Variants in FTO observed in about 807,000 individuals in gnomAD.
FTO encodes FTO alpha-ketoglutarate dependent dioxygenase.
FTO carries 47 observed loss-of-function variants against 63.9 expected under a neutral mutation model. That is an observed-to-expected ratio of 0.74 (90% CI 0.58 to 0.94). The LOEUF (loss-of-function observed/expected upper bound fraction) is 0.94. Ranked by LOEUF, FTO falls within the 40% of genes least tolerant of loss-of-function variation. FTO has a pLI of 0.00. For synonymous variants in FTO, 207 were observed against 224.4 expected (o/e 0.92, Z 0.69); for missense variants, 562 against 618.1 (o/e 0.91, Z 0.96).
intron 1 of FTO, among the ~76,000 whole-genome samples, chr16:53,737,361 G>A (rs1465324220): frequency 6.6e-6 from 1 of 152,082 alleles, no homozygotes. Context: ...ACGTCATAGA[G>A]TGCACTTACA....
intron 6 of FTO, among the ~76,000 whole-genome samples, chr16:53,883,645 A>AACC (rs1286271148): frequency 6.7e-6 from 1 of 150,322 alleles, no homozygotes; most frequent in Admixed American, 6.7e-5. Flanking sequence ...ACAAAAAAAA[A>AACC]AAAACAAATT....
intron 6 of FTO, among the ~76,000 whole-genome samples, chr16:53,888,419 A>G (rs2081059120): frequency 6.6e-6 from 1 of 152,112 alleles, no homozygotes; most frequent in Admixed American, 6.5e-5. Context: ...ATAAAAATAA[A>G]TTGGCCAATT....
intron 8 of FTO, chr16:54,040,801 A>G (rs1309980441): frequency 3.3e-5 from 5 of 152,324 alleles, no homozygotes; most frequent in East Asian, 1.9e-4. Flanking sequence ...GGCCATAGGA[A>G]GAAGTTTTGA....
chr16:54,054,185 A>T (rs1369269728), intron 8 of FTO, among the ~76,000 whole-genome samples: 1 of 152,194 alleles, frequency 6.6e-6, no homozygotes, highest in African/African-American at 2.4e-5. Flanking sequence ...GACAGCTGCT[A>T]CGAGTCCCAG....
intron 8 of FTO, among the ~76,000 whole-genome samples, chr16:53,941,169 G>A (rs367757216): frequency 3.9e-5 from 6 of 152,128 alleles, no homozygotes; most frequent in Middle Eastern, 3.2e-3. Context: ...AGTCGGCACC[G>A]TCCAGTTTAG....
chr16:54,101,739 TACTGCTTTCCACAATGGCTGG>T (rs2086647173), intron 8 of FTO, among the ~76,000 whole-genome samples: 1 of 152,276 alleles, frequency 6.6e-6, no homozygotes, highest in African/African-American at 2.4e-5. Context: ...GGAATTGCTA[TACTGCTTTCCACAATGGCTGG>T]ACTAAATGAC....
chr16:54,116,559 G>A lies in FTO; in HGVS notation c.*4644G>A, dbSNP rs2086976308. On this transcript the variant is annotated 3_prime_UTR_variant, in exon 9 of 9. Coordinates refer to ENST00000471389, the MANE Select transcript of FTO (RefSeq NM_001080432.3). Reference sequence around the variant, plus strand: ...TTTGACAACCATAAAGGGGAGAGACGGCACAGGCGTGTTGTGATGATTGCG... The same window carrying A: ...TTTGACAACCATAAAGGGGAGAGACAGCACAGGCGTGTTGTGATGATTGCG... 1 of 152,220 alleles carries A rather than the reference G, an allele frequency of 6.6e-6. No individual in the cohort carries two copies. The highest frequency in any genetic ancestry group is 2.4e-5 in the African/African-American group (1 of 41,514). 9.4% of individuals were successfully genotyped at this position (152,220 alleles called of 1,614,324 possible). A position where few individuals can be genotyped will look rare whatever the true frequency, so the allele number is the denominator to read the frequency against.
Position 53,725,999 on chromosome 16 carries a change from A to G in FTO, c.45+21770A>G, listed in dbSNP as rs78123343. On this transcript the variant is annotated intron_variant, in intron 1 of 8. Coordinates refer to ENST00000471389, the MANE Select transcript of FTO (RefSeq NM_001080432.3). ...GAGATAAGACATTTCTTTTTACTCA[A>G]TTAAGATAAAGAAGAAACCTCTTTA... 1.9e-4 allele frequency among the ~76,000 whole-genome samples: 29 copies of G among 152,288 alleles called. 1 individual carries two copies. The highest frequency in any genetic ancestry group is 3.4e-3 in the Middle Eastern group (1 of 294).
intron 1 of FTO, among the ~76,000 whole-genome samples, chr16:53,804,154 C>T (rs550606371): frequency 6.6e-6 from 1 of 152,248 alleles, no homozygotes; most frequent in Non-Finnish European, 1.5e-5. Context: ...AATCATGCAC[C>T]TAGACTGGTA....
At chr16:53,963,322 A>T (rs2083124581) in intron 8 of FTO, among the ~76,000 whole-genome samples, 1 of 152,036 alleles carries the variant, frequency 6.6e-6, no homozygotes, top group Admixed American at 6.6e-5. Flanking sequence ...TTTTCTGTAT[A>T]TTTGTGTTAT....
chr16:53,779,790 C>T (rs1276695907), intron 1 of FTO, among the ~76,000 whole-genome samples: 3 of 152,116 alleles, frequency 2.0e-5, no homozygotes, highest in African/African-American at 4.8e-5. Flanking sequence ...AGCTAGCTAG[C>T]GCTTGTAAAT....
Position 54,120,355 on chromosome 16 carries a change from A to G in FTO, c.*8440A>G, listed in dbSNP as rs916692546. 2.0e-5 allele frequency: 3 copies of G among 152,124 alleles called. No individual in the cohort carries two copies. The highest frequency in any genetic ancestry group is 7.2e-5 in the African/African-American group (3 of 41,416). The allele number at this position is 152,124 out of a possible 1,614,324, so 9.4% of individuals were successfully genotyped here. A position where few individuals can be genotyped will look rare whatever the true frequency, so the allele number is the denominator to read the frequency against. On this transcript the variant is annotated 3_prime_UTR_variant, in exon 9 of 9. Transcript: ENST00000471389. ...GACTCTTCAGTCTTAGCCAACACAC[A>G]CTTGTTGATTCCTTCCGGAATGTCA...
intron 8 of FTO, among the ~76,000 whole-genome samples, chr16:54,026,122 A>G (rs1276831767): frequency 6.6e-6 from 1 of 152,244 alleles, no homozygotes; most frequent in Non-Finnish European, 1.5e-5. Context: ...ATCAAAGACC[A>G]GAAAAACGGT....
At chr16:53,984,321 CT>C (rs5816913) in intron 8 of FTO, among the ~76,000 whole-genome samples, 929 of 67,268 alleles carry the variant, frequency 0.014, 3 homozygotes, top group Non-Finnish European at 0.02. Context: ...TGGAATGGGT[CT>C]TTTTTTTTTT....
intron 1 of FTO, among the ~76,000 whole-genome samples, chr16:53,780,581 G>T (rs991850000): frequency 6.6e-6 from 1 of 152,076 alleles, no homozygotes; most frequent in African/African-American, 2.4e-5. Context: ...TATTGGTCAG[G>T]CTGGTCTTGA....
At chr16:53,806,172 A>C (rs1469030774) in intron 1 of FTO, among the ~76,000 whole-genome samples, 1 of 152,226 alleles carries the variant, frequency 6.6e-6, no homozygotes, top group African/African-American at 2.4e-5. Flanking sequence ...AGTCTGCAAT[A>C]GTTTTCCAAA....
chr16:53,834,653 A>T (rs1300330799), intron 3 of FTO, among the ~76,000 whole-genome samples: 1 of 152,212 alleles, frequency 6.6e-6, no homozygotes, highest in Non-Finnish European at 1.5e-5. Flanking sequence ...AAAATTATTC[A>T]TTCATATCAT....
intron 8 of FTO, among the ~76,000 whole-genome samples, chr16:53,940,824 T>A (rs935649476): frequency 2.4e-4 from 36 of 152,330 alleles, no homozygotes; most frequent in African/African-American, 7.0e-4. Flanking sequence ...TAAGTTCCCA[T>A]TTTTTTCTGG....
At chr16:53,751,311 A>T (rs1435577436) in intron 1 of FTO, among the ~76,000 whole-genome samples, 4 of 152,118 alleles carry the variant, frequency 2.6e-5, no homozygotes, top group Non-Finnish European at 5.9e-5. Context: ...ACAAAAAATT[A>T]GCCGGGCGTG....
Sources: allele counts gnomAD v4.1 joint callset (sites outside exome capture counted in the v4.1 genomes callset), GRCh38; gene constraint gnomAD v4.1.1; transcripts MANE v1.5; gene names NCBI Gene and HGNC (gene_info 2026-07-23, HGNC 2026-07-21).